Variants in GOLGA8B observed in about 807,000 individuals in gnomAD.
GOLGA8B encodes golgin subfamily A member 8B.
GOLGA8B carries 1 observed loss-of-function variant against 15.6 expected under a neutral mutation model. The observed-to-expected ratio is 0.06, with a 90% CI of 0.02 to 0.30. The LOEUF is 0.30. Ranked by LOEUF, GOLGA8B falls within the 10% of genes least tolerant of loss-of-function variation. GOLGA8B has a pLI of 1.00. For missense variants in GOLGA8B, 17 were observed against 201.3 expected, an observed-to-expected ratio of 0.08 and a Z score of 5.54; for synonymous variants, 9 against 80.3, an observed-to-expected ratio of 0.11 and a Z score of 4.75.
rs774847664 is a variant in GOLGA8B, at chr15:34,568,713, G to C, written c.-1122-14757C>G. The stretch of plus-strand genomic sequence containing the variant: ...GAAAAGAGGTTGCCAGATTAATCCA[G>C]TACACACTTCTTTAATCCCGTAGTA... On this transcript the variant is annotated intron_variant, in intron 1 of 23. Coordinates refer to ENST00000683415, the MANE Select transcript of GOLGA8B (RefSeq NM_001023567.5). Among the ~76,000 whole-genome samples, 104 of 59,680 alleles carry C rather than the reference G, an allele frequency of 1.7e-3. 1 individual carries two copies. Among genetic ancestry groups the C allele is most frequent in the Non-Finnish European group, 2.5e-3 (85 of 34,444 alleles). The allele number at this position is 59,680 out of a possible 152,430, so 39.2% of individuals were successfully genotyped here. A position where few individuals can be genotyped will look rare whatever the true frequency, so the allele number is the denominator to read the frequency against.
In GOLGA8B at chr15:34,527,331, T is replaced by C. The variant is rs1320691045; in HGVS notation, c.*301A>G. On this transcript the variant is annotated 3_prime_UTR_variant, in exon 24 of 24. Coordinates refer to ENST00000683415, the MANE Select transcript of GOLGA8B (RefSeq NM_001023567.5). ...AGAACAGTTTTGTGCAAAGAGTGGG[T>C]CTTTGTGTGTTTGAACTCCCACCAC... 6 of 406,930 alleles carry C rather than the reference T, an allele frequency of 1.5e-5. No individual in the cohort carries two copies. The highest frequency in any genetic ancestry group is 2.7e-5 in the Non-Finnish European group (6 of 223,468). The allele number at this position is 406,930 out of a possible 1,614,324, so 25.2% of individuals were successfully genotyped here. A position where few individuals can be genotyped will look rare whatever the true frequency, so the allele number is the denominator to read the frequency against.
rs67726333 is a variant in GOLGA8B at position 34,575,106 on chromosome 15, T to TAA, written c.-1123+8408_-1123+8409dup. On this transcript the variant is annotated intron_variant, in intron 1 of 23. Transcript: ENST00000683415. ...AATCTAGAAATCCTATAAATCCTTG[T>TAA]AAAAAAAAAAAAAAGAAGGGTAAAA... 6.2e-4 allele frequency among the ~76,000 whole-genome samples: 86 copies of TAA among 138,384 alleles called. 1 individual carries two copies. Among genetic ancestry groups the TAA allele is most frequent in the South Asian group, 4.8e-3 (20 of 4,178 alleles). 90.8% of individuals were successfully genotyped at this position (138,384 alleles called of 152,430 possible).
chr15:34,554,579 T>TA (rs1848319375), intron 1 of GOLGA8B, among the ~76,000 whole-genome samples: 1 of 110,716 alleles, frequency 9.0e-6, no homozygotes, highest in Non-Finnish European at 1.9e-5. Flanking sequence ...CACACGCACA[T>TA]ATCACATTCA....
In GOLGA8B at chr15:34,527,502, A is replaced by G; in HGVS notation, c.*130T>C. On this transcript the variant is annotated 3_prime_UTR_variant, in exon 24 of 24. Coordinates refer to ENST00000683415, the MANE Select transcript of GOLGA8B (RefSeq NM_001023567.5). ...TTTTACAAATAAACTTAAACTATAA[A>G]TTAGAAACACAAATAATCATGAGTA... The G allele has an allele frequency of 1.4e-6, 1 of 713,224 alleles. No homozygotes were observed. Among genetic ancestry groups the G allele is most frequent in the Non-Finnish European group, 2.1e-6 (1 of 467,938 alleles). 44.2% of individuals were successfully genotyped at this position (713,224 alleles called of 1,614,324 possible).
chr15:34,578,807 C>T (rs74444529), intron 1 of GOLGA8B, among the ~76,000 whole-genome samples: 14 of 152,150 alleles, frequency 9.2e-5, no homozygotes, highest in Admixed American at 2.6e-4. Context: ...AGTCACTCAA[C>T]GCAGGTATCT....
In GOLGA8B at chr15:34,549,903, TAACTC is replaced by T. The variant is rs1448854332; in HGVS notation, c.-575+1230_-575+1234del. On this transcript the variant is annotated intron_variant, in intron 4 of 23. Transcript: ENST00000683415. ...CAATAATTTATACTTGTTTTGAAGA[TAACTC>T]AAACTGGAATCGATCACAAGACACG... 2.6e-5 allele frequency among the ~76,000 whole-genome samples: 2 copies of T among 75,482 alleles called. 1 individual carries two copies. Among genetic ancestry groups the T allele is most frequent in the East Asian group, 6.0e-4 (2 of 3,336 alleles). 49.5% of individuals were successfully genotyped at this position (75,482 alleles called of 152,430 possible). A position where few individuals can be genotyped will look rare whatever the true frequency, so the allele number is the denominator to read the frequency against.
chr15:34,577,637 G>C (rs1455319724), intron 1 of GOLGA8B, among the ~76,000 whole-genome samples: 1 of 151,682 alleles, frequency 6.6e-6, no homozygotes, highest in Admixed American at 6.6e-5. Flanking sequence ...GAACATCATA[G>C]AGCATACATT....
chr15:34,559,414 AC>A (rs1888567482), intron 1 of GOLGA8B, among the ~76,000 whole-genome samples: 1 of 134,922 alleles, frequency 7.4e-6, no homozygotes, highest in East Asian at 2.3e-4. Flanking sequence ...GATAAATTTT[AC>A]ATTATGTATA....
chr15:34,583,576 C>G lies in GOLGA8B; in HGVS notation c.-1183G>C, dbSNP rs1033267512. The G allele has an allele frequency of 1.3e-5, 2 of 152,430 alleles. No individual in the cohort carries two copies. The highest frequency in any genetic ancestry group is 2.9e-5 in the Non-Finnish European group (2 of 68,252). 9.4% of individuals were successfully genotyped at this position (152,430 alleles called of 1,614,324 possible). The stretch of plus-strand genomic sequence containing the variant: ...GTCCTCGCCCCGCAGCCGCCGGCTC[C>G]GTCCGGGAGGCTGAGCTCCTTGAGA... On this transcript the variant is annotated 5_prime_UTR_variant, in exon 1 of 24. Transcript: ENST00000683415.
intron 1 of GOLGA8B, among the ~76,000 whole-genome samples, chr15:34,564,355 T>TAA (rs58970262): frequency 0.088 from 9,310 of 106,158 alleles, 193 homozygotes; most frequent in East Asian, 0.18. Flanking sequence ...TGTAGATTCT[T>TAA]AAAAAAAAAA....
intron 1 of GOLGA8B, among the ~76,000 whole-genome samples, chr15:34,580,164 T>G (rs1489535412): frequency 1.3e-5 from 2 of 152,072 alleles, no homozygotes; most frequent in Non-Finnish European, 2.9e-5. Context: ...CTACATTCAG[T>G]TAGGATCTCC....
chr15:34,580,737 C>T (rs114542300), intron 1 of GOLGA8B, among the ~76,000 whole-genome samples: 6 of 152,218 alleles, frequency 3.9e-5, no homozygotes, highest in South Asian at 4.2e-4. Context: ...TCTCTGTGGG[C>T]GCTCAGGCCA....
At chr15:34,574,430 A>G (rs1427795212) in intron 1 of GOLGA8B, among the ~76,000 whole-genome samples, 1 of 151,776 alleles carries the variant, frequency 6.6e-6, no homozygotes, top group Non-Finnish European at 1.5e-5. Context: ...CAGCCTCCCA[A>G]GTAGCTAGGA....
rs551809054 is a variant in GOLGA8B at position 34,564,783 on chromosome 15, T to G, written c.-1122-10827A>C. On this transcript the variant is annotated intron_variant, in intron 1 of 23. Transcript: ENST00000683415. ...CAGCTTTGAGCTGGCAAGGCTAAAT[T>G]ATAGGAAGAAGGCAGAGAGGTGGGC... is the stretch of plus-strand genomic sequence containing the variant. 1.2e-3 allele frequency among the ~76,000 whole-genome samples: 167 copies of G among 143,658 alleles called. 30 individuals are homozygous for G. The highest frequency in any genetic ancestry group is 3.5e-3 in the Middle Eastern group (1 of 282). The allele number at this position is 143,658 out of a possible 152,430, so 94.2% of individuals were successfully genotyped here.
At chr15:34,574,165 G>A (rs1244791477) in intron 1 of GOLGA8B, among the ~76,000 whole-genome samples, 2 of 152,068 alleles carry the variant, frequency 1.3e-5, no homozygotes, top group Admixed American at 6.5e-5. Context: ...TCAGGTTTGG[G>A]AAATCAGTTG....
chr15:34,569,635 AACACATTGT>A (rs1272380530), intron 1 of GOLGA8B, among the ~76,000 whole-genome samples: 19 of 152,014 alleles, frequency 1.2e-4, no homozygotes, highest in Middle Eastern at 3.4e-3. Context: ...CATCACCATA[AACACATTGT>A]TAGCTGGTAT....
At chr15:34,578,465 T>G (rs1422797023) in intron 1 of GOLGA8B, among the ~76,000 whole-genome samples, 2 of 152,098 alleles carry the variant, frequency 1.3e-5, no homozygotes, top group African/African-American at 4.8e-5. Flanking sequence ...TGATACAAAA[T>G]GGGCCCCAGC....
intron 1 of GOLGA8B, among the ~76,000 whole-genome samples, chr15:34,576,079 G>T (rs560278184): frequency 1.3e-5 from 2 of 152,316 alleles, no homozygotes; most frequent in East Asian, 1.9e-4. Flanking sequence ...TACCAGGTTA[G>T]CGTCCCGCAC....
chr15:34,566,336 C>T (rs1257104955), intron 1 of GOLGA8B: 3 of 143,034 alleles, frequency 2.1e-5, no homozygotes, highest in Non-Finnish European at 4.8e-5. Flanking sequence ...TGGTAAATTT[C>T]ATCTTTTGTG....
Sources: gnomAD v4.1 joint callset for allele counts (sites outside exome capture counted in the v4.1 genomes callset) on GRCh38, gnomAD v4.1.1 for gene constraint, MANE v1.5 for transcripts, NCBI Gene and HGNC (gene_info 2026-07-23, HGNC 2026-07-21) for gene names.